PCSK5: variants seen among roughly 807,000 people sequenced by gnomAD.
PCSK5 encodes the protein proprotein convertase subtilisin/kexin type 5, also known as prohormone convertase 5.
PCSK5 carries 129 observed loss-of-function variants against 233.2 expected under a neutral mutation model. The observed-to-expected ratio is 0.55, with a 90% CI of 0.48 to 0.64. The LOEUF (loss-of-function observed/expected upper bound fraction) is 0.64, where lower values mean the gene tolerates loss of function less well. Among genes scored for constraint, PCSK5 ranks in the 30% least tolerant of loss-of-function variants. The probability of loss-of-function intolerance (pLI) is 0.00; values close to 1 mark genes in which losing one functional copy is unlikely to be tolerated. For missense variants in PCSK5, 2,076 were observed against 2,430.1 expected, an observed-to-expected ratio of 0.85 and a Z score of 3.06; for synonymous variants, 825 against 879.2, an observed-to-expected ratio of 0.94 and a Z score of 1.09.
At chr9:75,928,640 A>ATAG (rs1564088178) in intron 1 of PCSK5, among the ~76,000 whole-genome samples, 4 of 69,644 alleles carry the variant, frequency 5.7e-5, no homozygotes, top group African/African-American at 2.1e-4. Flanking sequence ...TATATATATA[A>ATAG]TCCTAGAAGG....
intron 2 of PCSK5, among the ~76,000 whole-genome samples, chr9:75,951,845 G>A (rs1824873345): frequency 2.0e-5 from 3 of 152,088 alleles, no homozygotes; most frequent in Admixed American, 2.0e-4. Context: ...TCTAGAGATG[G>A]CTAAAAGTAT....
chr9:76,126,553 C>T (rs1832861215), intron 9 of PCSK5, among the ~76,000 whole-genome samples: 1 of 152,006 alleles, frequency 6.6e-6, no homozygotes. Flanking sequence ...GCAGAGGTTG[C>T]AGTGAGCTGA....
At chr9:76,170,173 T>C (rs1587712214) in intron 13 of PCSK5, among the ~76,000 whole-genome samples, 2 of 152,184 alleles carry the variant, frequency 1.3e-5, no homozygotes, top group East Asian at 1.9e-4. Context: ...CTGAGTTCAA[T>C]TGCATGATCT....
intron 2 of PCSK5, among the ~76,000 whole-genome samples, chr9:75,958,977 G>T (rs1302987057): frequency 6.6e-6 from 1 of 152,124 alleles, no homozygotes; most frequent in Non-Finnish European, 1.5e-5. Flanking sequence ...TCCTTCAAAG[G>T]TCTAACCTTG....
chr9:75,890,348 G>A (rs576291423), upstream of PCSK5, among the ~76,000 whole-genome samples: 9 of 152,276 alleles, frequency 5.9e-5, no homozygotes, highest in African/African-American at 2.2e-4. Context: ...TCTTCAGGGC[G>A]GTTAATTCGC....
At chr9:76,125,627 A>T (rs955733160) in intron 9 of PCSK5, among the ~76,000 whole-genome samples, 1 of 152,202 alleles carries the variant, frequency 6.6e-6, no homozygotes, top group South Asian at 2.1e-4. Flanking sequence ...CCTTCAATAC[A>T]TGCCATCTAC....
intron 2 of PCSK5, among the ~76,000 whole-genome samples, chr9:75,976,132 A>G (rs1826002885): frequency 6.6e-6 from 1 of 152,170 alleles, no homozygotes; most frequent in Non-Finnish European, 1.5e-5. Flanking sequence ...TTTAAAATGT[A>G]AGAACCTGAA....
intron 9 of PCSK5, among the ~76,000 whole-genome samples, chr9:76,108,077 A>G (rs1832050859): frequency 1.3e-5 from 2 of 152,216 alleles, no homozygotes; most frequent in African/African-American, 4.8e-5. Context: ...CCATAAACTC[A>G]TTTGAGGCTA....
At chr9:76,354,345 C>CT (rs1830245016) in intron 37 of PCSK5, 126 bp downstream of exon 37, 1 of 680,592 alleles carries the variant, frequency 1.5e-6, no homozygotes, top group Admixed American at 2.9e-5. Flanking sequence ...TGAGTGCCTA[C>CT]TATGGGCCTA....
intron 24 of PCSK5, among the ~76,000 whole-genome samples, chr9:76,285,030 C>T (rs115236966): frequency 1.1e-4 from 16 of 152,154 alleles, no homozygotes; most frequent in African/African-American, 3.9e-4. Flanking sequence ...ATTTTTTAAG[C>T]CAATGAGTGA....
At chr9:75,931,495 A>G (rs10120870) in intron 1 of PCSK5, among the ~76,000 whole-genome samples, 32,122 of 152,150 alleles carry the variant, frequency 0.21, 3,908 homozygotes, top group Non-Finnish European at 0.28. Flanking sequence ...AGTGTATGTT[A>G]TTTAGCTCTG....
Position 76,063,126 on chromosome 9 carries a change from A to AT in PCSK5, c.633-4820dup, listed in dbSNP as rs767078697. On this transcript the variant is annotated intron_variant, in intron 5 of 37. Coordinates refer to ENST00000674117, the MANE Select transcript of PCSK5 (RefSeq NM_001372043.1). Reference sequence around the variant, plus strand: ...TCCATGCTGAGAATGTCAGGATTTAATTTTTTTTTCTTTTTTTTTTCTTTT... The same window carrying AT: ...TCCATGCTGAGAATGTCAGGATTTAATTTTTTTTTTCTTTTTTTTTTCTTTT... Among the ~76,000 whole-genome samples, 594 of 148,462 alleles carry AT rather than the reference A, an allele frequency of 4.0e-3. 1 individual carries two copies. The highest frequency in any genetic ancestry group is 0.011 in the African/African-American group (454 of 39,880).
At chr9:75,966,678 G>C (rs147335366) in intron 2 of PCSK5, among the ~76,000 whole-genome samples, 3 of 152,196 alleles carry the variant, frequency 2.0e-5, no homozygotes, top group Non-Finnish European at 4.4e-5. Flanking sequence ...TGTAGGAAGG[G>C]TGGTAGTGGA....
chr9:76,153,645 AT>A (rs1487106976), intron 10 of PCSK5, among the ~76,000 whole-genome samples: 1 of 152,268 alleles, frequency 6.6e-6, no homozygotes, highest in Non-Finnish European at 1.5e-5. Context: ...ACATTGTAAA[AT>A]GTGAATATTG....
At chr9:76,103,804 T>C (rs1169425571) in intron 8 of PCSK5, among the ~76,000 whole-genome samples, 2 of 152,226 alleles carry the variant, frequency 1.3e-5, no homozygotes, top group Non-Finnish European at 1.5e-5. Context: ...TGATATTTTC[T>C]TGAGCAATCT....
Position 76,328,076 on chromosome 9 carries a change from C to A in PCSK5, c.4407C>A (p.Ile1469=). The change falls in exon 33 of 38, where the codon ATC becomes ATA. Residue 1469 remains isoleucine, a synonymous_variant. Coordinates refer to ENST00000674117, the MANE Select transcript of PCSK5 (RefSeq NM_001372043.1). ...GCACCACCTGTCAGAAAGGCCTGAT[C>A]ATGAACCCTCGTGGGAGCTGCATGG... The part of the protein sequence containing the change: ...GTCTTCQKGL[I]MNPRGSCMAN... 3.1e-6 allele frequency: 5 copies of A among 1,612,890 alleles called. No individual in the cohort carries two copies. The highest frequency in any genetic ancestry group is 4.2e-6 in the Non-Finnish European group (5 of 1,179,856).
intron 30 of PCSK5, among the ~76,000 whole-genome samples, chr9:76,315,215 G>A (rs7041563): frequency 0.53 from 80,530 of 151,748 alleles, 21,545 homozygotes; most frequent in East Asian, 0.62. Context: ...TGGCCTTTCA[G>A]AGTGCTGGGA....
chr9:75,899,853 C>T (rs545383980), intron 1 of PCSK5, among the ~76,000 whole-genome samples: 3 of 152,088 alleles, frequency 2.0e-5, no homozygotes, highest in Admixed American at 6.5e-5. Context: ...CGAGGGAGAA[C>T]GGGAGTAGAT....
chr9:75,995,118 T>A (rs1198032971), intron 3 of PCSK5, among the ~76,000 whole-genome samples: 1 of 152,096 alleles, frequency 6.6e-6, no homozygotes, highest in Non-Finnish European at 1.5e-5. Flanking sequence ...AATGCTCCCT[T>A]GAGATTCCCA....
Sources: allele counts gnomAD v4.1 joint callset (sites outside exome capture counted in the v4.1 genomes callset), GRCh38; gene constraint gnomAD v4.1.1; transcripts MANE v1.5; gene names NCBI Gene and HGNC (gene_info 2026-07-23, HGNC 2026-07-21).